PHF21A: variants seen among roughly 807,000 people sequenced by gnomAD.
PHF21A encodes the protein PHD finger protein 21A.
Under a neutral mutation model 82.5 loss-of-function variants are expected in PHF21A, and 11 were observed. The observed-to-expected ratio is 0.13, with a 90% CI of 0.08 to 0.22. PHF21A has a LOEUF of 0.22. Ranked by LOEUF, PHF21A falls within the 10% of genes least tolerant of loss-of-function variation. The pLI, the probability that PHF21A is intolerant of heterozygous loss-of-function variation, is 1.00. For missense variants in PHF21A, 579 were observed against 837.8 expected, an observed-to-expected ratio of 0.69 and a Z score of 3.81; for synonymous variants, 297 against 302.8, an observed-to-expected ratio of 0.98 and a Z score of 0.20.
At chr11:46,061,572 C>A (rs1200933159) in intron 6 of PHF21A, among the ~76,000 whole-genome samples, 3 of 152,128 alleles carry the variant, frequency 2.0e-5, no homozygotes, top group Non-Finnish European at 2.9e-5. Context: ...ACAATTAATT[C>A]TTTCCCATAC....
At chr11:45,934,250 G>A in intron 18 of PHF21A, 25 bp from the exon 19 acceptor site, 1 of 1,600,594 alleles carries the variant, frequency 6.2e-7, no homozygotes, top group South Asian at 1.1e-5. Flanking sequence ...AAGGGCAGTG[G>A]CACTGAGCCG....
At chr11:45,962,242 T>G (rs770568216) in intron 10 of PHF21A, among the ~76,000 whole-genome samples, 1 of 152,192 alleles carries the variant, frequency 6.6e-6, no homozygotes, top group Non-Finnish European at 1.5e-5. Context: ...CTAAAGGGAA[T>G]AGCAGAAAGC....
At chr11:46,001,256 C>A (rs527814291) in intron 6 of PHF21A, among the ~76,000 whole-genome samples, 21 of 151,576 alleles carry the variant, frequency 1.4e-4, no homozygotes, top group African/African-American at 5.1e-4. Context: ...GAAAAACCAT[C>A]AAGGTTAAGT....
At chr11:46,004,575 T>C (rs959307960) in intron 6 of PHF21A, among the ~76,000 whole-genome samples, 6 of 152,208 alleles carry the variant, frequency 3.9e-5, no homozygotes, top group African/African-American at 1.4e-4. Flanking sequence ...CTCTATTCTT[T>C]TCTTCAACAT....
chr11:45,960,514 C>T (rs769339237), intron 10 of PHF21A, among the ~76,000 whole-genome samples: 2 of 152,100 alleles, frequency 1.3e-5, no homozygotes, highest in Non-Finnish European at 2.9e-5. Flanking sequence ...AGAAAGCAGA[C>T]TGGTGATTGC....
At chr11:46,109,851 A>T (rs1377575039) in intron 1 of PHF21A, among the ~76,000 whole-genome samples, 1 of 152,008 alleles carries the variant, frequency 6.6e-6, no homozygotes, top group Non-Finnish European at 1.5e-5. Context: ...GTGGTGGCAC[A>T]TGCCTGTAGT....
At chr11:46,009,882 G>T (rs1279824269) in intron 6 of PHF21A, among the ~76,000 whole-genome samples, 1 of 152,080 alleles carries the variant, frequency 6.6e-6, no homozygotes, top group Non-Finnish European at 1.5e-5. Context: ...CATTTTTCTG[G>T]CTTACACAAT....
intron 6 of PHF21A, among the ~76,000 whole-genome samples, chr11:45,993,705 TGC>T (rs1491080158): frequency 6.6e-6 from 1 of 151,634 alleles, no homozygotes; most frequent in Non-Finnish European, 1.5e-5. Flanking sequence ...TACAGTCAAC[TGC>T]CAGGAAACAG....
intron 15 of PHF21A, 151 bp downstream of exon 15, chr11:45,945,689 G>A (rs1461053673): frequency 6.5e-6 from 4 of 615,054 alleles, no homozygotes; most frequent in Non-Finnish European, 8.2e-6. Flanking sequence ...GAAGAAAGCT[G>A]CCTTACATGG....
intron 1 of PHF21A, among the ~76,000 whole-genome samples, chr11:46,103,874 T>C (rs756375264): frequency 6.6e-6 from 1 of 152,174 alleles, no homozygotes; most frequent in Non-Finnish European, 1.5e-5. Flanking sequence ...GTTTCACTTA[T>C]AAGATAGAGA....
chr11:46,013,960 T>A (rs1046963938), intron 6 of PHF21A, among the ~76,000 whole-genome samples: 1 of 152,194 alleles, frequency 6.6e-6, no homozygotes, highest in Non-Finnish European at 1.5e-5. Context: ...GACTTTATAA[T>A]ACCGTATACT....
At chr11:46,071,373 G>A (rs1020106172) in intron 6 of PHF21A, among the ~76,000 whole-genome samples, 1 of 152,218 alleles carries the variant, frequency 6.6e-6, no homozygotes, top group Non-Finnish European at 1.5e-5. Context: ...AACTGAAGCA[G>A]AGGTGCCTGG....
intron 6 of PHF21A, among the ~76,000 whole-genome samples, chr11:46,016,805 T>C (rs1015013656): frequency 1.3e-5 from 2 of 151,912 alleles, no homozygotes; most frequent in South Asian, 2.1e-4. Context: ...AATCATTACA[T>C]GATTCTATCA....
intron 6 of PHF21A, among the ~76,000 whole-genome samples, chr11:45,997,890 C>T (rs1484478625): frequency 2.0e-5 from 3 of 152,142 alleles, no homozygotes; most frequent in East Asian, 1.9e-4. Flanking sequence ...TCAATCAACT[C>T]GAGTCAGACC....
At chr11:46,080,726 G>A (rs914232135) in intron 4 of PHF21A, among the ~76,000 whole-genome samples, 1 of 152,096 alleles carries the variant, frequency 6.6e-6, no homozygotes, top group African/African-American at 2.4e-5. Flanking sequence ...GGAGTGCAGT[G>A]GCACAATCAT....
chr11:45,962,764 G>A (rs1199329243), intron 10 of PHF21A, among the ~76,000 whole-genome samples: 2 of 150,456 alleles, frequency 1.3e-5, no homozygotes, highest in Non-Finnish European at 3.0e-5. Context: ...ATGGTGGCAG[G>A]CGCATGTAGT....
At chr11:46,022,468 A>G (rs1212573732) in intron 6 of PHF21A, among the ~76,000 whole-genome samples, 2 of 152,064 alleles carry the variant, frequency 1.3e-5, no homozygotes, top group Admixed American at 1.3e-4. Flanking sequence ...AAAAAAAAGA[A>G]AAAGAAACAA....
chr11:46,015,453 T>C (rs1331562106), intron 6 of PHF21A, among the ~76,000 whole-genome samples: 1 of 152,124 alleles, frequency 6.6e-6, no homozygotes, highest in Non-Finnish European at 1.5e-5. Context: ...AAGGTTTTCT[T>C]CTAGGATTCT....
At chr11:46,018,198 T>A (rs4756050) in intron 6 of PHF21A, among the ~76,000 whole-genome samples, 1 of 144,000 alleles carries the variant, frequency 6.9e-6, no homozygotes, top group Admixed American at 6.9e-5. Context: ...TGCAGTGAGC[T>A]GAGATTGCGC....
Sources: gnomAD v4.1 joint callset for allele counts (sites outside exome capture counted in the v4.1 genomes callset) on GRCh38, gnomAD v4.1.1 for gene constraint, MANE v1.5 for transcripts, NCBI Gene and HGNC (gene_info 2026-07-23, HGNC 2026-07-21) for gene names.